The following AHCTF1 variants were observed in gnomAD, a reference collection of about 807,000 sequenced individuals.
AHCTF1 encodes AT-hook containing transcription factor 1, also known as protein ELYS.
Under a neutral mutation model 248.4 loss-of-function variants are expected in AHCTF1, and 24 were observed. The ratio of observed to expected loss-of-function variants is 0.10; its 90% confidence interval spans 0.07 to 0.14. The LOEUF is 0.14. Among genes scored for constraint, AHCTF1 ranks in the 10% least tolerant of loss-of-function variants. AHCTF1 has a pLI of 1.00. For missense variants in AHCTF1, 2,206 were observed against 2,636.2 expected, an observed-to-expected ratio of 0.84 and a Z score of 3.57; for synonymous variants, 786 against 929.8, an observed-to-expected ratio of 0.85 and a Z score of 2.81.
intron 24 of AHCTF1, among the ~76,000 whole-genome samples, chr1:246,869,901 T>C (rs1662450335): frequency 6.6e-6 from 1 of 152,146 alleles, no homozygotes; most frequent in South Asian, 2.1e-4. Flanking sequence ...CATAAAGCTA[T>C]AGCTGTCACA....
At chr1:246,863,009 A>G (rs1159208351) in intron 27 of AHCTF1, among the ~76,000 whole-genome samples, 2 of 152,248 alleles carry the variant, frequency 1.3e-5, no homozygotes, top group African/African-American at 4.8e-5. Context: ...TTACAAGATC[A>G]TAACAATTCT....
intron 5 of AHCTF1, 72 bp from the exon 6 acceptor site, chr1:246,905,729 C>G (rs1487765024): frequency 1.6e-6 from 2 of 1,245,374 alleles, no homozygotes. Context: ...CATGTAAGAA[C>G]TTGGGTTAGG....
chr1:246,894,557 T>C, intron 14 of AHCTF1, 102 bp downstream of exon 14: 4 of 973,698 alleles, frequency 4.1e-6, no homozygotes, highest in Middle Eastern at 3.4e-4. Flanking sequence ...AAGAAAAGAG[T>C]TTACAACTTC....
At chr1:246,906,305 C>G (rs1020407261) in intron 5 of AHCTF1, among the ~76,000 whole-genome samples, 1 of 151,978 alleles carries the variant, frequency 6.6e-6, no homozygotes, top group Non-Finnish European at 1.5e-5. Context: ...GGCAGCCGGG[C>G]GTGGTAGCTC....
At chr1:246,926,461 A>G (rs1219052313) in intron 1 of AHCTF1, among the ~76,000 whole-genome samples, 1 of 152,252 alleles carries the variant, frequency 6.6e-6, no homozygotes, top group Admixed American at 6.5e-5. Context: ...AATGTTTAAT[A>G]AAGTTTTTCA....
intron 24 of AHCTF1, among the ~76,000 whole-genome samples, chr1:246,873,528 T>C (rs557970533): frequency 1.3e-5 from 2 of 150,076 alleles, no homozygotes; most frequent in Non-Finnish European, 3.0e-5. Flanking sequence ...TGCATCACAG[T>C]GAAGGGAAAG....
chr1:246,929,475 G>A (rs1297176115), intron 1 of AHCTF1, among the ~76,000 whole-genome samples: 1 of 144,196 alleles, frequency 6.9e-6, no homozygotes, highest in African/African-American at 2.7e-5. Flanking sequence ...CCTGAAATTT[G>A]AGTATTTAAA....
At chr1:246,861,531 C>T (rs1274340171) in intron 28 of AHCTF1, among the ~76,000 whole-genome samples, 1 of 152,194 alleles carries the variant, frequency 6.6e-6, no homozygotes, top group Non-Finnish European at 1.5e-5. Context: ...CAACACAGAA[C>T]AGGCTAGATG....
chr1:246,920,580 C>T lies in AHCTF1; in HGVS notation c.-7-2203G>A, dbSNP rs192235151. ...GGTCAGGAGATCGAGACCATCCTGG[C>T]TAACAAGGTGAAACCCTGTCTCTAC... On this transcript the variant is annotated intron_variant, in intron 1 of 35. Transcript: ENST00000648844. 4.7e-3 allele frequency among the ~76,000 whole-genome samples: 716 copies of T among 151,312 alleles called. 8 individuals are homozygous for T. The highest frequency in any genetic ancestry group is 0.017 in the African/African-American group (683 of 41,222).
intron 21 of AHCTF1, among the ~76,000 whole-genome samples, chr1:246,881,496 C>G (rs912503780): frequency 6.6e-6 from 1 of 152,112 alleles, no homozygotes; most frequent in Non-Finnish European, 1.5e-5. Context: ...ACATTGAGTA[C>G]TTATCAGTGG....
chr1:246,873,518 T>C (rs993676936), intron 24 of AHCTF1, among the ~76,000 whole-genome samples: 3 of 152,196 alleles, frequency 2.0e-5, no homozygotes, highest in African/African-American at 7.2e-5. Flanking sequence ...CAATTTCTCC[T>C]GCATCACAGT....
At chr1:246,849,580 A>C (rs1391735505) in intron 33 of AHCTF1, 35 bp downstream of exon 33, 3 of 1,557,826 alleles carry the variant, frequency 1.9e-6, no homozygotes, top group South Asian at 1.2e-5. Flanking sequence ...AGAGTGACTG[A>C]GATGAAAAAC....
At chr1:246,901,970 G>A (rs1406892124) in intron 8 of AHCTF1, among the ~76,000 whole-genome samples, 1 of 152,238 alleles carries the variant, frequency 6.6e-6, no homozygotes, top group East Asian at 1.9e-4. Flanking sequence ...GGATGGGTAA[G>A]TTCGCTGTGT....
intron 24 of AHCTF1, among the ~76,000 whole-genome samples, chr1:246,869,065 C>G (rs530956268): frequency 1.3e-5 from 2 of 150,906 alleles, no homozygotes; most frequent in East Asian, 1.9e-4. Context: ...AGGATGGTCT[C>G]GATCTCCTGA....
intron 3 of AHCTF1, among the ~76,000 whole-genome samples, chr1:246,915,681 T>C (rs185115457): frequency 1.4e-4 from 21 of 152,350 alleles, no homozygotes; most frequent in Admixed American, 3.3e-4. Context: ...GTTCAATTTA[T>C]TCATCCTGGG....
rs954543633 is a variant in AHCTF1 at position 246,854,977 on chromosome 1, A to C, written c.4354+753T>G. On this transcript the variant is annotated intron_variant, in intron 31 of 35. Transcript: ENST00000648844. ...GTGATCGGCTTTTTACATGTTAGAC[A>C]ATTCTCTCTGGATTACTCCATAATC... 2.7e-5 allele frequency among the ~76,000 whole-genome samples: 4 copies of C among 150,000 alleles called. No individual in the cohort carries two copies. The East Asian group carries it at 7.8e-4, about 29-fold the overall frequency.
intron 33 of AHCTF1, among the ~76,000 whole-genome samples, chr1:246,845,376 A>AAAAT (rs750328148): frequency 1.7e-4 from 26 of 152,180 alleles, no homozygotes; most frequent in Non-Finnish European, 3.8e-4. Context: ...AAAAAAAAGA[A>AAAAT]AAATAGAGTT....
rs866771660 is a variant in AHCTF1, at chr1:246,895,936, C to A, written c.1624-11G>T. The A allele has an allele frequency of 4.4e-6, 7 of 1,602,348 alleles. No homozygotes were observed. In the Middle Eastern group the frequency reaches 1.0e-3, roughly 229 times the overall value. On this transcript the variant is annotated splice_polypyrimidine_tract_variant and intron_variant, in intron 12 of 35. Transcript: ENST00000648844. ...TTCTAACTGTTCTTCCTAAACCATG[C>A]ATTACAGAAAGGAAAGAAATGGAAA...
chr1:246,929,148 C>T (rs1416446486), intron 1 of AHCTF1, among the ~76,000 whole-genome samples: 1 of 152,182 alleles, frequency 6.6e-6, no homozygotes, highest in African/African-American at 2.4e-5. Context: ...GTGGTTCACG[C>T]CTGTAATCCC....
Sources: gnomAD v4.1 joint callset for allele counts (sites outside exome capture counted in the v4.1 genomes callset) on GRCh38, gnomAD v4.1.1 for gene constraint, MANE v1.5 for transcripts, NCBI Gene and HGNC (gene_info 2026-07-23, HGNC 2026-07-21) for gene names.